Variants in UBN1 observed in about 807,000 individuals in gnomAD.
UBN1 encodes the protein ubinuclein 1, also known as ubinuclein-1.
Under a neutral mutation model 108.5 loss-of-function variants are expected in UBN1, and 17 were observed. The observed-to-expected ratio is 0.16, with a 90% CI of 0.11 to 0.24. The LOEUF is 0.24. Among genes scored for constraint, UBN1 ranks in the 10% least tolerant of loss-of-function variants. The pLI is 1.00. For missense variants in UBN1, 1,595 were observed against 1,394.4 expected (o/e 1.14, Z -2.29); for synonymous variants, 726 against 564.2 (o/e 1.29, Z -4.07).
At chr16:4,854,841 G>T (rs1053984315) in intron 2 of UBN1, among the ~76,000 whole-genome samples, 4 of 151,928 alleles carry the variant, frequency 2.6e-5, no homozygotes, top group African/African-American at 9.7e-5. Flanking sequence ...TCCTGTCTCA[G>T]CCTCTCGAGT....
intron 17 of UBN1, among the ~76,000 whole-genome samples, 200 bp from the exon 18 acceptor site, chr16:4,879,883 T>C (rs533464311): frequency 1.6e-3 from 242 of 152,294 alleles, no homozygotes; most frequent in Admixed American, 3.2e-3. Flanking sequence ...ACAGTGCTAG[T>C]GTGCTTGCAG....
chr16:4,857,351 CAA>C (rs33959421), intron 2 of UBN1, among the ~76,000 whole-genome samples: 221 of 121,032 alleles, frequency 1.8e-3, no homozygotes, highest in East Asian at 7.7e-3. Flanking sequence ...ACTCTTATCT[CAA>C]AAAAAAAAAA....
intron 6 of UBN1, 47 bp downstream of exon 6, chr16:4,860,015 G>T: frequency 6.2e-7 from 1 of 1,608,440 alleles, no homozygotes; most frequent in Non-Finnish European, 8.5e-7. Flanking sequence ...GAACTGTTAG[G>T]GCAGGACGAC....
rs771479756 is a variant in UBN1 at position 4,875,226 on chromosome 16, C to G, written c.2816C>G (p.Pro939Arg). The G allele has an allele frequency of 6.2e-6, 10 of 1,614,218 alleles. No individual in the cohort carries two copies. The Admixed American group carries it at 1.7e-4, about 27-fold the overall frequency. ...VSGSLVPGIQPPSVGQATSRP... is the reference protein window; with the variant it reads ...VSGSLVPGIQRPSVGQATSRP... ...GGGAGCCTGGTCCCTGGCATACAGC[C>G]TCCCTCCGTGGGACAGGCCACCAGC... The change falls in exon 15 of 18, where the codon CCT (proline) becomes CGT (arginine). Residue 939 changes from proline (P) to arginine (R), a missense_variant. By Grantham distance (103) the Pro-to-Arg change is moderately radical. Around this residue, in one of 3 missense-constraint regions of UBN1, gnomAD observed 1,398 missense variants for 1,194.7 expected, o/e 1.17. Coordinates refer to ENST00000262376, the MANE Select transcript of UBN1 (RefSeq NM_001079514.3).
At position 4,880,726 on chromosome 16, in the gene UBN1, T is replaced by C. The variant is rs922243478; in HGVS notation, c.*594T>C. The C allele has an allele frequency of 6.5e-6, 1 of 152,672 alleles. No homozygotes were observed. The highest frequency in any genetic ancestry group is 2.4e-5 in the African/African-American group (1 of 41,450). The allele number at this position is 152,672 out of a possible 1,614,324, so 9.5% of individuals were successfully genotyped here. ...TCTCCTCGGAACATGACAATGAAGC[T>C]CTTTTAGAGAAAAGACCTTTGTAGA... On this transcript the variant is annotated 3_prime_UTR_variant, in exon 18 of 18. Coordinates refer to ENST00000262376, the MANE Select transcript of UBN1 (RefSeq NM_001079514.3).
chr16:4,870,768 C>T lies in UBN1; in HGVS notation c.1431-76C>T, dbSNP rs376808335. 14 of 1,600,522 alleles carry T rather than the reference C, an allele frequency of 8.7e-6. No individual in the cohort carries two copies. The African/African-American group carries it at 1.9e-4, about 21-fold the overall frequency. ...GCCTTTTCTCCTTCTCTGTGAAGTC[C>T]CAGTAGTGCAGAGTGAGGGGAGAGG... On this transcript the variant is annotated intron_variant, in intron 10 of 17. Coordinates refer to ENST00000262376, the MANE Select transcript of UBN1 (RefSeq NM_001079514.3).
At chr16:4,856,603 G>A (rs979769768) in intron 2 of UBN1, among the ~76,000 whole-genome samples, 2 of 152,210 alleles carry the variant, frequency 1.3e-5, no homozygotes, top group African/African-American at 4.8e-5. Flanking sequence ...AGAAAGAAGA[G>A]AGCTTATTTC....
Position 4,872,397 on chromosome 16 carries a change from T to C in UBN1, c.1707-487T>C, listed in dbSNP as rs74525589. 9.7e-4 allele frequency: 951 copies of C among 981,532 alleles called. 8 individuals carry two copies. In the African/African-American group the frequency reaches 0.015, roughly 15 times the overall value. 60.8% of individuals were successfully genotyped at this position (981,532 alleles called of 1,614,324 possible). A position where few individuals can be genotyped will look rare whatever the true frequency, so the allele number is the denominator to read the frequency against. On this transcript the variant is annotated intron_variant, in intron 12 of 17. Coordinates refer to ENST00000262376, the MANE Select transcript of UBN1 (RefSeq NM_001079514.3). ...GCCTTTGGGCAGCCAGTGTGTCCCA[T>C]TGAGATCCTCTCACCAGGAATTTGG...
intron 17 of UBN1, among the ~76,000 whole-genome samples, chr16:4,879,347 G>A (rs1046292254): frequency 5.3e-5 from 8 of 151,250 alleles, no homozygotes; most frequent in Non-Finnish European, 8.9e-5. Context: ...TGAGAGGCAG[G>A]AGGATTGCTT....
chr16:4,848,052 C>T lies in UBN1; in HGVS notation c.-198C>T, dbSNP rs1320537073. Reference sequence around the variant, plus strand: ...CGCGCGGCGCGGCACACCAGGCTCCCCTGGGCTCGGGGACCCGGCCATGGG... The same window carrying T: ...CGCGCGGCGCGGCACACCAGGCTCCTCTGGGCTCGGGGACCCGGCCATGGG... On this transcript the variant is annotated 5_prime_UTR_variant, in exon 1 of 18. Coordinates refer to ENST00000262376, the MANE Select transcript of UBN1 (RefSeq NM_001079514.3). The T allele has an allele frequency of 2.0e-5, 3 of 152,140 alleles. No homozygotes were observed. Among genetic ancestry groups the T allele is most frequent in the Non-Finnish European group, 4.4e-5 (3 of 68,036 alleles). The allele number at this position is 152,140 out of a possible 1,614,324, so 9.4% of individuals were successfully genotyped here.
Position 4,866,773 on chromosome 16 carries a change from A to G in UBN1, c.1111-2060A>G, listed in dbSNP as rs538295744. The stretch of plus-strand genomic sequence containing the variant: ...GTGTTCCGCCCACCTTGGCCTCCCA[A>G]TGTGTTAGGATTACAGGTGTGAGCC... On this transcript the variant is annotated intron_variant, in intron 7 of 17. Coordinates refer to ENST00000262376, the MANE Select transcript of UBN1 (RefSeq NM_001079514.3). 1.1e-3 allele frequency among the ~76,000 whole-genome samples: 174 copies of G among 152,304 alleles called. 2 individuals are homozygous for G. The highest frequency in any genetic ancestry group is 2.2e-3 in the Admixed American group (33 of 15,304).
At chr16:4,858,808 A>G in intron 4 of UBN1, 145 bp downstream of exon 4, 1 of 964,570 alleles carries the variant, frequency 1.0e-6, no homozygotes, top group Non-Finnish European at 1.6e-6. Flanking sequence ...AGACGAAATG[A>G]CATTCTTTAT....
At position 4,858,581 on chromosome 16, in the gene UBN1, G is replaced by A. The variant is rs770620235; in HGVS notation, c.350G>A (p.Arg117His). 19 of 1,614,092 alleles carry A rather than the reference G, an allele frequency of 1.2e-5. No individual in the cohort carries two copies. Among genetic ancestry groups the A allele is most frequent in the South Asian group, 3.3e-5 (3 of 91,082 alleles). ...TTCACATTTTAGGGTGGAAAGAAACGTAGAAAAGACCGAATACAGGACTTG... is the reference window on the plus strand; with the variant it reads ...TTCACATTTTAGGGTGGAAAGAAACATAGAAAAGACCGAATACAGGACTTG... The part of the protein sequence containing the change: ...KFEEKYGGKK[R>H]RKDRIQDLID... The change falls in exon 4 of 18, where the codon CGT becomes CAT. Residue 117 changes from arginine to histidine, a missense_variant. Physicochemically the swap from Arg to His is conservative, Grantham distance 29. This residue lies in a region of UBN1 where 181 missense variants were observed against 157.3 expected (regional missense o/e 1.15). Coordinates refer to ENST00000262376, the MANE Select transcript of UBN1 (RefSeq NM_001079514.3).
At chr16:4,862,473 G>A (rs952061499) in intron 7 of UBN1, among the ~76,000 whole-genome samples, 8 of 152,226 alleles carry the variant, frequency 5.3e-5, no homozygotes, top group Non-Finnish European at 7.3e-5. Flanking sequence ...GGAAGTAGCT[G>A]AATCTGAACT....
intron 7 of UBN1, among the ~76,000 whole-genome samples, chr16:4,866,877 G>T (rs1360811483): frequency 3.3e-5 from 5 of 152,234 alleles, no homozygotes; most frequent in Non-Finnish European, 7.3e-5. Flanking sequence ...GCAGACAATG[G>T]ACTGTAGTAC....
chr16:4,852,869 A>G lies in UBN1; in HGVS notation c.-39-10A>G, dbSNP rs376584364. 4 of 1,561,702 alleles carry G rather than the reference A, an allele frequency of 2.6e-6. 1 individual carries two copies. The South Asian group carries it at 3.6e-5, about 14-fold the overall frequency. ...TCGTTTGACCTGGCCCTTCTTTTCAATGTTAACAGAAGCCATGCAGTGACA... is the reference window on the plus strand; with the variant it reads ...TCGTTTGACCTGGCCCTTCTTTTCAGTGTTAACAGAAGCCATGCAGTGACA... On this transcript the variant is annotated splice_polypyrimidine_tract_variant and intron_variant, in intron 1 of 17. Transcript: ENST00000262376.
At chr16:4,873,887 C>G (rs1356120710) in intron 14 of UBN1, among the ~76,000 whole-genome samples, 2 of 152,234 alleles carry the variant, frequency 1.3e-5, no homozygotes, top group East Asian at 3.9e-4. Context: ...AGTGGGAATG[C>G]CAGTAGGCAG....
intron 1 of UBN1, among the ~76,000 whole-genome samples, chr16:4,850,085 A>G (rs984502086): frequency 6.6e-6 from 1 of 152,012 alleles, no homozygotes; most frequent in Non-Finnish European, 1.5e-5. Flanking sequence ...TTTCTTAAGC[A>G]TTTTGAATTA....
chr16:4,877,509 G>T lies in UBN1; in HGVS notation c.3355+35G>T, dbSNP rs373590698. 2 of 1,580,078 alleles carry T rather than the reference G, an allele frequency of 1.3e-6. No individual in the cohort carries two copies. The highest frequency in any genetic ancestry group is 1.3e-5 in the African/African-American group (1 of 74,230). On this transcript the variant is annotated intron_variant, in intron 17 of 17. Transcript: ENST00000262376. The surrounding 1 kb of genome is among the most constrained non-coding windows in gnomAD (Gnocchi z 4.3). The stretch of plus-strand genomic sequence containing the variant: ...CGACGGTCAGTGTGCCACGCGCACC[G>T]TGTGCCTTTGCCCTCTCCACCCCTA...
Sources: allele counts gnomAD v4.1 joint callset (sites outside exome capture counted in the v4.1 genomes callset), GRCh38; gene constraint gnomAD v4.1.1; regional missense constraint gnomAD v4.1.1; non-coding constraint Gnocchi (gnomAD v3.1); transcripts MANE v1.5; gene names NCBI Gene and HGNC (gene_info 2026-07-23, HGNC 2026-07-21).